The following MFN1 variants were observed in gnomAD, a reference collection of about 807,000 sequenced individuals.
The protein encoded by MFN1 is mitofusin 1.
Under a neutral mutation model 92.4 loss-of-function variants are expected in MFN1, and 65 were observed. That is an observed-to-expected ratio of 0.70 (90% CI 0.58 to 0.86). MFN1 has a LOEUF of 0.86. Ranked by LOEUF, MFN1 falls within the 40% of genes least tolerant of loss-of-function variation. MFN1 has a pLI of 0.00. For synonymous variants in MFN1, 297 were observed against 300.9 expected (o/e 0.99, Z 0.13); for missense variants, 781 against 868.0 (o/e 0.90, Z 1.26).
chr3:179,371,795 T>C (rs540802870), intron 9 of MFN1, among the ~76,000 whole-genome samples: 70 of 152,116 alleles, frequency 4.6e-4, no homozygotes, highest in African/African-American at 1.6e-3. Context: ...ATGAACTGTT[T>C]GTTAGATAAT....
At chr3:179,362,671 A>C (rs1712629775) in intron 5 of MFN1, among the ~76,000 whole-genome samples, 189 bp downstream of exon 5, 1 of 152,198 alleles carries the variant, frequency 6.6e-6, no homozygotes, top group Non-Finnish European at 1.5e-5. Flanking sequence ...CATCACTCTG[A>C]TTCCATTTCA....
chr3:179,358,985 GAA>G lies in MFN1; in HGVS notation c.400_401del (p.Lys134GlufsTer6), dbSNP rs755881517. ...CTATCTTATGACAGAAGGATCAGAT[GAA>G]AAAAAGAGTGTGAAGGTATGATCTT... ...KAYLMTEGSD[E>X]KKSVKTVNQL... On this transcript the variant is annotated frameshift_variant, in exon 4 of 18. Coordinates refer to ENST00000471841, the MANE Select transcript of MFN1 (RefSeq NM_033540.3). LOFTEE classifies it high-confidence loss of function. 5 of 1,610,516 alleles carry G rather than the reference GAA, an allele frequency of 3.1e-6. No homozygotes were observed. The highest frequency in any genetic ancestry group is 2.2e-5 in the South Asian group (2 of 90,576).
intron 15 of MFN1, among the ~76,000 whole-genome samples, 166 bp from the exon 16 acceptor site, chr3:179,386,267 A>C (rs911455836): frequency 1.6e-4 from 24 of 152,162 alleles, no homozygotes; most frequent in Non-Finnish European, 4.4e-5. Context: ...ATCCCTTTTA[A>C]GCCTGATTGA....
At chr3:179,350,476 T>C (rs1368528852) in intron 2 of MFN1, among the ~76,000 whole-genome samples, 1 of 152,032 alleles carries the variant, frequency 6.6e-6, no homozygotes, top group Non-Finnish European at 1.5e-5. Flanking sequence ...CTAAAAATAA[T>C]AGGAAGTGAA....
intron 9 of MFN1, among the ~76,000 whole-genome samples, chr3:179,374,176 G>A (rs1242188306): frequency 6.6e-6 from 1 of 151,030 alleles, no homozygotes; most frequent in Non-Finnish European, 1.5e-5. Flanking sequence ...AGTGGTGCAT[G>A]CCTGTAATTA....
intron 17 of MFN1, 89 bp from the exon 18 acceptor site, chr3:179,391,892 T>TC: frequency 1.3e-6 from 1 of 782,830 alleles, no homozygotes; most frequent in Non-Finnish European, 2.1e-6. Flanking sequence ...TGTTTATTAT[T>TC]AAAGTTTTTG....
In MFN1 at chr3:179,370,363, A is replaced by G. The variant is rs181055789; in HGVS notation, c.975+2260A>G. The stretch of plus-strand genomic sequence containing the variant: ...TTATGTAATTTATCACTTAATAAAT[A>G]TCATTTTTGGGGTTTCATTCACTAA... On this transcript the variant is annotated intron_variant, in intron 9 of 17. Transcript: ENST00000471841. 5.5e-4 allele frequency among the ~76,000 whole-genome samples: 77 copies of G among 141,202 alleles called. 2 individuals carry two copies. In the East Asian group the frequency reaches 0.016, roughly 29 times the overall value. The allele number at this position is 141,202 out of a possible 152,430, so 92.6% of individuals were successfully genotyped here.
At chr3:179,384,369 G>T (rs1457146315) in intron 14 of MFN1, among the ~76,000 whole-genome samples, 1 of 152,132 alleles carries the variant, frequency 6.6e-6, no homozygotes, top group Non-Finnish European at 1.5e-5. Flanking sequence ...AGTATTCGTT[G>T]TAGGTTTGAT....
At chr3:179,364,124 A>T (rs35375482) in intron 5 of MFN1, among the ~76,000 whole-genome samples, 173 bp from the exon 6 acceptor site, 28,309 of 152,126 alleles carry the variant, frequency 0.19, 3,227 homozygotes, top group Admixed American at 0.24. Context: ...AATATTGAGC[A>T]TGTTATTTGC....
intron 3 of MFN1, 127 bp from the exon 4 acceptor site, chr3:179,358,704 TAATCTTTTC>T (rs1397111993): frequency 1.8e-5 from 15 of 822,176 alleles, no homozygotes; most frequent in Non-Finnish European, 2.5e-5. Context: ...GCCAAGTGGT[TAATCTTTTC>T]ATAAAAATGC....
chr3:179,383,685 T>C (rs1386642287), intron 14 of MFN1, among the ~76,000 whole-genome samples: 1 of 152,156 alleles, frequency 6.6e-6, no homozygotes, highest in Non-Finnish European at 1.5e-5. Flanking sequence ...TTCATGATAT[T>C]GATTCCTCCT....
intron 4 of MFN1, among the ~76,000 whole-genome samples, chr3:179,361,513 T>G (rs113397657): frequency 3.3e-5 from 5 of 152,140 alleles, no homozygotes; most frequent in African/African-American, 1.2e-4. Flanking sequence ...TTTATTTCTG[T>G]GTGTACCCAA....
At chr3:179,376,785 T>C in intron 10 of MFN1, 1 of 274,044 alleles carries the variant, frequency 3.6e-6, no homozygotes, top group Non-Finnish European at 6.9e-6. Context: ...CCTGTTCATA[T>C]CTATGAAGAC....
rs773479777 is a variant in MFN1, at chr3:179,386,584, T to C, written c.1967T>C (p.Met656Thr). 6.2e-7 allele frequency: 1 copy of C among 1,614,090 alleles called. No individual in the cohort carries two copies. The highest frequency in any genetic ancestry group is 1.1e-5 in the South Asian group (1 of 91,082). The change falls in exon 16 of 18, where the codon ATG (methionine) becomes ACG (threonine). Residue 656 changes from methionine (M) to threonine (T), a missense_variant. Met to Thr is a moderately conservative substitution (Grantham distance 81, BLOSUM62 -1). Coordinates refer to ENST00000471841, the MANE Select transcript of MFN1 (RefSeq NM_033540.3). ...FVNYATEKLR[M>T]IVSSTSANCS... ...AACTATGCAACTGAAAAACTGAGGA[T>C]GATTGTTAGCTCCACGAGTGCAAAC...
chr3:179,391,196 G>A (rs928584514), intron 17 of MFN1, among the ~76,000 whole-genome samples: 1 of 151,934 alleles, frequency 6.6e-6, no homozygotes, highest in African/African-American at 2.4e-5. Context: ...TTTTGAAAGA[G>A]GAATACTAGG....
chr3:179,377,291 A>G, intron 11 of MFN1, 53 bp from the exon 12 acceptor site: 1 of 1,525,168 alleles, frequency 6.6e-7, no homozygotes, highest in African/African-American at 1.4e-5. Flanking sequence ...ATTTTTTTGA[A>G]TAATTGATAA....
intron 14 of MFN1, among the ~76,000 whole-genome samples, chr3:179,379,854 A>G (rs762625685): frequency 4.6e-5 from 7 of 152,182 alleles, no homozygotes; most frequent in Admixed American, 1.3e-4. Flanking sequence ...CAACTTTCCT[A>G]AAGTTGTTCT....
At chr3:179,348,514 C>G (rs1238230414) in intron 1 of MFN1, among the ~76,000 whole-genome samples, 1 of 152,222 alleles carries the variant, frequency 6.6e-6, no homozygotes, top group Non-Finnish European at 1.5e-5. Flanking sequence ...GTGAATTTGG[C>G]TTCGCCTCAC....
At chr3:179,359,269 C>T (rs1463621721) in intron 4 of MFN1, among the ~76,000 whole-genome samples, 4 of 151,834 alleles carry the variant, frequency 2.6e-5, no homozygotes, top group South Asian at 2.1e-4. Context: ...TACAGGCGTG[C>T]GCCACCACAC....
Sources: allele counts gnomAD v4.1 joint callset (sites outside exome capture counted in the v4.1 genomes callset), GRCh38; gene constraint gnomAD v4.1.1; transcripts MANE v1.5; gene names NCBI Gene and HGNC (gene_info 2026-07-23, HGNC 2026-07-21).